CAPZA1: variants seen among roughly 807,000 people sequenced by gnomAD.
CAPZA1 encodes the protein F-actin-capping protein subunit alpha-1.
In CAPZA1, 10 loss-of-function variants were observed where a neutral mutation model predicts 40.8. That is an observed-to-expected ratio of 0.25 (90% CI 0.15 to 0.42). The LOEUF (loss-of-function observed/expected upper bound fraction) is 0.42, where lower values mean the gene tolerates loss of function less well. CAPZA1 is among the 10% of genes least tolerant of loss of function. The probability of loss-of-function intolerance (pLI) is 1.00; values close to 1 mark genes in which losing one functional copy is unlikely to be tolerated. For synonymous variants in CAPZA1, 98 were observed against 115.0 expected (o/e 0.85, Z 0.95); for missense variants, 277 against 353.8 (o/e 0.78, Z 1.74).
intron 1 of CAPZA1, among the ~76,000 whole-genome samples, chr1:112,630,836 G>A (rs1178054019): frequency 6.6e-6 from 1 of 152,176 alleles, no homozygotes; most frequent in East Asian, 1.9e-4. Context: ...TGTATAAATT[G>A]TTTTGTTAAC....
intron 1 of CAPZA1, among the ~76,000 whole-genome samples, chr1:112,636,036 A>G (rs1278763607): frequency 6.6e-6 from 1 of 152,228 alleles, no homozygotes; most frequent in African/African-American, 2.4e-5. Flanking sequence ...CTAGAAAAAA[A>G]TAAAAAATAA....
intron 1 of CAPZA1, among the ~76,000 whole-genome samples, chr1:112,629,951 A>G (rs1288926020): frequency 2.6e-5 from 4 of 152,152 alleles, no homozygotes; most frequent in East Asian, 3.9e-4. Context: ...ACCCAGCTCA[A>G]TATCCAACTC....
chr1:112,660,281 T>G (rs1254813702), intron 7 of CAPZA1, among the ~76,000 whole-genome samples: 1 of 151,948 alleles, frequency 6.6e-6, no homozygotes, highest in Non-Finnish European at 1.5e-5. Flanking sequence ...ATTGATTGAC[T>G]GATTGATTGA....
At chr1:112,625,720 T>C (rs1298904853) in intron 1 of CAPZA1, among the ~76,000 whole-genome samples, 1 of 152,192 alleles carries the variant, frequency 6.6e-6, no homozygotes. Context: ...CCCACCCCCA[T>C]AAGTAAGCTT....
At chr1:112,655,815 G>A (rs1052240492) in intron 5 of CAPZA1, among the ~76,000 whole-genome samples, 98 of 152,014 alleles carry the variant, frequency 6.4e-4, no homozygotes, top group African/African-American at 2.3e-3. Context: ...CAGCTGCCTC[G>A]GACTCCCAAA....
At chr1:112,639,913 T>TG (rs1367972886) in intron 1 of CAPZA1, among the ~76,000 whole-genome samples, 15 of 65,080 alleles carry the variant, frequency 2.3e-4, no homozygotes, top group East Asian at 7.6e-4. Context: ...GGGAGGGAGG[T>TG]GGGGGGGTCA....
At chr1:112,629,888 A>G (rs1387619158) in intron 1 of CAPZA1, among the ~76,000 whole-genome samples, 1 of 151,928 alleles carries the variant, frequency 6.6e-6, no homozygotes, top group African/African-American at 2.4e-5. Context: ...CACCCTATCT[A>G]AAGTACTTTG....
At position 112,630,392 on chromosome 1, in the gene CAPZA1, G is replaced by A. The variant is rs190705296; in HGVS notation, c.39+10509G>A. On this transcript the variant is annotated intron_variant, in intron 1 of 9. Transcript: ENST00000263168. ...AGAGTCTCACTCTTTCGCCCAGGCT[G>A]GAGTGCAGTGGTGCCATCTCGGCTC... 3.1e-3 allele frequency among the ~76,000 whole-genome samples: 466 copies of A among 152,154 alleles called. 4 individuals carry two copies. Among genetic ancestry groups the A allele is most frequent in the African/African-American group, 0.011 (438 of 41,494 alleles).
intron 7 of CAPZA1, among the ~76,000 whole-genome samples, chr1:112,660,581 AGAAGTAGATTTTTAATGCT>A (rs565389116): frequency 0.014 from 2,059 of 152,244 alleles, 24 homozygotes; most frequent in Non-Finnish European, 0.021. Context: ...CACCTGGCCC[AGAAGTAGATTTTTAATGCT>A]GATGTCAGGG....
intron 1 of CAPZA1, among the ~76,000 whole-genome samples, chr1:112,637,484 A>G (rs554196626): frequency 1.3e-5 from 2 of 152,140 alleles, no homozygotes; most frequent in South Asian, 2.1e-4. Context: ...CTCTTGCTCT[A>G]TTGCACAGGC....
chr1:112,642,722 G>A (rs972968672), intron 1 of CAPZA1, among the ~76,000 whole-genome samples: 2 of 152,080 alleles, frequency 1.3e-5, no homozygotes, highest in East Asian at 1.9e-4. Context: ...TTTTATATGC[G>A]GTATCAGTTC....
intron 3 of CAPZA1, among the ~76,000 whole-genome samples, chr1:112,651,303 G>C (rs1397274467): frequency 6.6e-6 from 1 of 152,192 alleles, no homozygotes; most frequent in Non-Finnish European, 1.5e-5. Flanking sequence ...GTTTTGAGTA[G>C]AGAATAACAT....
chr1:112,641,543 C>G (rs1671162369), intron 1 of CAPZA1, among the ~76,000 whole-genome samples: 1 of 152,062 alleles, frequency 6.6e-6, no homozygotes, highest in African/African-American at 2.4e-5. Context: ...GACCCCTTTA[C>G]ATACTTAAAA....
At chr1:112,664,950 A>T (rs1359474899) in intron 7 of CAPZA1, among the ~76,000 whole-genome samples, 1 of 152,146 alleles carries the variant, frequency 6.6e-6, no homozygotes, top group Non-Finnish European at 1.5e-5. Flanking sequence ...AAAAGGATTA[A>T]ATGAGGGAAT....
chr1:112,647,938 C>A (rs1032603942), intron 2 of CAPZA1, among the ~76,000 whole-genome samples: 2 of 152,036 alleles, frequency 1.3e-5, no homozygotes, highest in African/African-American at 4.8e-5. Flanking sequence ...AATCATAATC[C>A]CATTTTAAGT....
At chr1:112,644,225 C>G (rs1169069124) in intron 1 of CAPZA1, among the ~76,000 whole-genome samples, 1 of 116,396 alleles carries the variant, frequency 8.6e-6, no homozygotes. Context: ...GAGTCTCCCA[C>G]AGTTGCCCAG....
At chr1:112,622,464 T>A (rs1670695382) in intron 1 of CAPZA1, among the ~76,000 whole-genome samples, 1 of 152,226 alleles carries the variant, frequency 6.6e-6, no homozygotes, top group Admixed American at 6.5e-5. Flanking sequence ...AAGACCAAGA[T>A]ACTATAATTA....
At chr1:112,622,564 G>A (rs1159572443) in intron 1 of CAPZA1, among the ~76,000 whole-genome samples, 1 of 152,140 alleles carries the variant, frequency 6.6e-6, no homozygotes, top group East Asian at 1.9e-4. Flanking sequence ...AAACATAAAA[G>A]CAAAGAGAAT....
chr1:112,653,727 A>G, intron 4 of CAPZA1, 66 bp downstream of exon 4: 2 of 1,068,330 alleles, frequency 1.9e-6, no homozygotes, highest in South Asian at 2.7e-5. Flanking sequence ...TGGAAACCAA[A>G]GCAGATGTCT....
Sources: allele counts gnomAD v4.1 joint callset (sites outside exome capture counted in the v4.1 genomes callset), GRCh38; gene constraint gnomAD v4.1.1; transcripts MANE v1.5; gene names NCBI Gene and HGNC (gene_info 2026-07-23, HGNC 2026-07-21).